The following ATXN7L1 variants were observed in gnomAD, a reference collection of about 807,000 sequenced individuals.
ATXN7L1 encodes the protein ataxin 7 like 1, also known as ataxin-7-like protein 1.
In ATXN7L1, 15 loss-of-function variants were observed where a neutral mutation model predicts 70.8. The ratio of observed to expected loss-of-function variants is 0.21; its 90% CI spans 0.14 to 0.33. The LOEUF is 0.33. Among genes scored for constraint, ATXN7L1 ranks in the 10% least tolerant of loss-of-function variants. The probability of loss-of-function intolerance (pLI) is 1.00; values close to 1 mark genes in which losing one functional copy is unlikely to be tolerated. For synonymous variants in ATXN7L1, 440 were observed against 445.1 expected, an observed-to-expected ratio of 0.99 and a Z score of 0.14; for missense variants, 975 against 1,097.1, an observed-to-expected ratio of 0.89 and a Z score of 1.57.
chr7:105,788,502 T>G (rs1309210701), intron 3 of ATXN7L1, 102 bp downstream of exon 3: 5 of 965,500 alleles, frequency 5.2e-6, no homozygotes, highest in Non-Finnish European at 8.3e-6. Context: ...AGCCTCAGGC[T>G]GAGACAAGAC....
intron 4 of ATXN7L1, among the ~76,000 whole-genome samples, chr7:105,646,859 AC>A (rs1267269753): frequency 6.6e-6 from 1 of 151,964 alleles, no homozygotes; most frequent in Non-Finnish European, 1.5e-5. Context: ...TAGGAGAGTC[AC>A]TTGAACCCAG....
Position 105,678,868 on chromosome 7 carries a change from G to A in ATXN7L1, c.356-13580C>T, listed in dbSNP as rs575908917. On this transcript the variant is annotated intron_variant, in intron 3 of 11. Coordinates refer to ENST00000419735, the MANE Select transcript of ATXN7L1 (RefSeq NM_020725.2). Reference sequence around the variant, plus strand: ...GAGGCAGCTACTCTCCCCGCTCCCCGCCTCAGCCCTGTCTCGGCTCCAGCT... The same window carrying A: ...GAGGCAGCTACTCTCCCCGCTCCCCACCTCAGCCCTGTCTCGGCTCCAGCT... 4.6e-5 allele frequency among the ~76,000 whole-genome samples: 7 copies of A among 152,198 alleles called. 1 individual carries two copies. The South Asian group carries it at 1.5e-3, about 32-fold the overall frequency.
chr7:105,823,094 C>CT (rs536360907), intron 2 of ATXN7L1, among the ~76,000 whole-genome samples: 263 of 143,234 alleles, frequency 1.8e-3, no homozygotes, highest in African/African-American at 3.9e-3. Flanking sequence ...GGCCCTTTAT[C>CT]TTTTTTTTTT....
chr7:105,830,055 C>T (rs2116584467), intron 2 of ATXN7L1, among the ~76,000 whole-genome samples: 1 of 152,278 alleles, frequency 6.6e-6, no homozygotes, highest in Admixed American at 6.5e-5. Flanking sequence ...GTAGATGTTA[C>T]CCCATCCCCC....
In ATXN7L1 at chr7:105,605,080, C is replaced by T. The variant is rs1050208957; in HGVS notation, c.*2772G>A. ...TTTTTTTTTTTTATGGCTGACAGGT[C>T]TATGCATTGCGTTATGCTTCACAAC... On this transcript the variant is annotated 3_prime_UTR_variant, in exon 12 of 12. Transcript: ENST00000419735. The T allele has an allele frequency of 1.6e-4, 17 of 105,534 alleles. No homozygotes were observed. The highest frequency in any genetic ancestry group is 6.0e-4 in the African/African-American group (16 of 26,530). The allele number at this position is 105,534 out of a possible 1,614,324, so 6.5% of individuals were successfully genotyped here.
intron 3 of ATXN7L1, chr7:105,760,290 A>G (rs1800377462): frequency 1.1e-6 from 1 of 952,224 alleles, no homozygotes; most frequent in Admixed American, 6.2e-5. Context: ...ATGCTTTTCC[A>G]TATATTATTT....
At chr7:105,726,642 G>A (rs1054149211) in intron 3 of ATXN7L1, among the ~76,000 whole-genome samples, 1 of 152,162 alleles carries the variant, frequency 6.6e-6, no homozygotes, top group African/African-American at 2.4e-5. Flanking sequence ...GTCCAGTATG[G>A]CAAAGGGCAT....
chr7:105,732,658 G>A (rs1284729159), intron 3 of ATXN7L1, among the ~76,000 whole-genome samples: 1 of 152,158 alleles, frequency 6.6e-6, no homozygotes, highest in Non-Finnish European at 1.5e-5. Flanking sequence ...GCCTATGTTG[G>A]CAGGGGTGGG....
chr7:105,721,767 C>T (rs576134722), intron 3 of ATXN7L1, among the ~76,000 whole-genome samples: 3 of 152,352 alleles, frequency 2.0e-5, no homozygotes, highest in Middle Eastern at 3.4e-3. Context: ...GGACATGGCC[C>T]ACAGGGCTCT....
chr7:105,729,301 GAATAAATAAATA>G (rs56308500), intron 3 of ATXN7L1, among the ~76,000 whole-genome samples: 1,869 of 147,740 alleles, frequency 0.013, 36 homozygotes, highest in African/African-American at 0.044. Flanking sequence ...ATGAATGAAT[GAATAAATAAATA>G]AATAAATAAA....
chr7:105,745,995 C>T lies in ATXN7L1; in HGVS notation c.355+42609G>A, dbSNP rs1331516480. ...AGATTTCTCCCTTCCCCTGCTTTTC[C>T]CTGTCTCAGGTTCAGTGGACCATTC... is the stretch of plus-strand genomic sequence containing the variant. On this transcript the variant is annotated intron_variant, in intron 3 of 11. Coordinates refer to ENST00000419735, the MANE Select transcript of ATXN7L1 (RefSeq NM_020725.2). Among the ~76,000 whole-genome samples the T allele has an allele frequency of 2.0e-5, 3 of 152,310 alleles. No individual in the cohort carries two copies. The East Asian group carries it at 5.8e-4, about 29-fold the overall frequency.
At chr7:105,876,017 G>C in intron 1 of ATXN7L1, 137 bp from the exon 2 acceptor site, 4 of 859,222 alleles carry the variant, frequency 4.7e-6, no homozygotes, top group East Asian at 2.4e-5. Context: ...TTCAAAAATT[G>C]ACAATGCAAC....
intron 3 of ATXN7L1, among the ~76,000 whole-genome samples, chr7:105,703,701 G>A (rs1375514569): frequency 6.6e-6 from 1 of 152,154 alleles, no homozygotes; most frequent in Non-Finnish European, 1.5e-5. Context: ...ATGGTGCTCT[G>A]GGCTGCCCTG....
chr7:105,727,537 C>T (rs1206485487), intron 3 of ATXN7L1, among the ~76,000 whole-genome samples: 1 of 150,938 alleles, frequency 6.6e-6, no homozygotes, highest in African/African-American at 2.4e-5. Context: ...GGCACGGTGG[C>T]ACGTGCCTGT....
chr7:105,746,020 C>T (rs1798547085), intron 3 of ATXN7L1, among the ~76,000 whole-genome samples: 1 of 152,190 alleles, frequency 6.6e-6, no homozygotes, highest in South Asian at 2.1e-4. Context: ...GTGGACCATT[C>T]CCCCAGTGGT....
rs1313554196 is a variant in ATXN7L1, at chr7:105,619,517, TATATATATATATA to T, written c.1517+670_1517+682del. ...AAGCATATATATATATATATATATA[TATATATATATATA>T]TTTTTTTTTTTTTTTTTTTTTTTTT... is the stretch of plus-strand genomic sequence containing the variant. On this transcript the variant is annotated intron_variant, in intron 9 of 11. Coordinates refer to ENST00000419735, the MANE Select transcript of ATXN7L1 (RefSeq NM_020725.2). 4.4e-3 allele frequency among the ~76,000 whole-genome samples: 75 copies of T among 16,854 alleles called. 1 individual carries two copies. The highest frequency in any genetic ancestry group is 0.011 in the African/African-American group (41 of 3,786). 11.1% of individuals were successfully genotyped at this position (16,854 alleles called of 152,430 possible).
intron 3 of ATXN7L1, among the ~76,000 whole-genome samples, chr7:105,697,340 C>T (rs1021415011): frequency 6.6e-6 from 1 of 152,204 alleles, no homozygotes; most frequent in African/African-American, 2.4e-5. Flanking sequence ...GACCTACCCC[C>T]CTAGGTGCAC....
intron 3 of ATXN7L1, among the ~76,000 whole-genome samples, chr7:105,752,808 C>T (rs1485884698): frequency 6.6e-6 from 1 of 152,218 alleles, no homozygotes; most frequent in Non-Finnish European, 1.5e-5. Flanking sequence ...CAGCTACAAC[C>T]TTCCTGTAGT....
Position 105,840,842 on chromosome 7 carries a change from T to C in ATXN7L1, c.250+34970A>G, listed in dbSNP as rs577509550. Reference sequence around the variant, plus strand: ...CCAGCTGGTGTCAGGAATTCCAGTATTCATCTGGTTTACCTTTGCCCCCAA... The same window carrying C: ...CCAGCTGGTGTCAGGAATTCCAGTACTCATCTGGTTTACCTTTGCCCCCAA... On this transcript the variant is annotated intron_variant, in intron 2 of 11. Transcript: ENST00000419735. Among the ~76,000 whole-genome samples, 3 of 152,340 alleles carry C rather than the reference T, an allele frequency of 2.0e-5. No homozygotes were observed. In the South Asian group the frequency reaches 6.2e-4, roughly 32 times the overall value.
Sources: allele counts gnomAD v4.1 joint callset (sites outside exome capture counted in the v4.1 genomes callset), GRCh38; gene constraint gnomAD v4.1.1; transcripts MANE v1.5; gene names NCBI Gene and HGNC (gene_info 2026-07-23, HGNC 2026-07-21).